SPATA13: variants seen among roughly 807,000 people sequenced by gnomAD.
SPATA13 encodes spermatogenesis-associated protein 13.
Under a neutral mutation model 104.0 loss-of-function variants are expected in SPATA13, and 50 were observed. The ratio of observed to expected loss-of-function variants is 0.48; its 90% CI spans 0.38 to 0.61. The LOEUF (loss-of-function observed/expected upper bound fraction) is 0.61. Among genes scored for constraint, SPATA13 ranks in the 20% least tolerant of loss-of-function variants. SPATA13 has a pLI of 0.00. For synonymous variants in SPATA13, 606 were observed against 667.5 expected (o/e 0.91, Z 1.42); for missense variants, 1,524 against 1,690.6 (o/e 0.90, Z 1.73).
At position 24,303,212 on chromosome 13, in the gene SPATA13, G is replaced by A. The variant is rs746884501; in HGVS notation, c.*439G>A. 4 of 417,214 alleles carry A rather than the reference G, an allele frequency of 9.6e-6. No individual in the cohort carries two copies. The highest frequency in any genetic ancestry group is 7.0e-5 in the South Asian group (4 of 57,188). 25.8% of individuals were successfully genotyped at this position (417,214 alleles called of 1,614,324 possible). A position where few individuals can be genotyped will look rare whatever the true frequency, so the allele number is the denominator to read the frequency against. On this transcript the variant is annotated 3_prime_UTR_variant, in exon 13 of 13. Transcript: ENST00000382108. Reference sequence around the variant, plus strand: ...TGATTTTCAAGGATGCCGTCAAGACGGGGTTGACACAATGCTGCACGTGTC... The same window carrying A: ...TGATTTTCAAGGATGCCGTCAAGACAGGGTTGACACAATGCTGCACGTGTC...
chr13:24,103,547 G>A (rs1262265446), intron 3 of SPATA13, among the ~76,000 whole-genome samples: 1 of 145,422 alleles, frequency 6.9e-6, no homozygotes, highest in Non-Finnish European at 1.5e-5. Context: ...AGAGAGAAGA[G>A]AGAGAGAGAG....
rs1156935581 is a variant in SPATA13, at chr13:24,286,916, G to A, written c.2633G>A (p.Arg878Gln). 14 of 1,613,736 alleles carry A rather than the reference G, an allele frequency of 8.7e-6. No homozygotes were observed. Among genetic ancestry groups the A allele is most frequent in the Admixed American group, 3.3e-5 (2 of 59,992 alleles). The change falls in exon 7 of 13, where the codon CGG becomes CAG. Residue 878 changes from arginine (R) to glutamine (Q), a missense_variant. Transcript: ENST00000382108. This position sits in a 1 kb window ranked among gnomAD's most constrained non-coding sequence, Gnocchi z 4.9. ...NVIREIMDTE[R>Q]VYIKHLRDIC... ...ATCCGGGAGATCATGGACACCGAGC[G>A]GGTGTACATCAAACACCTCAGGGAC...
upstream of SPATA13, among the ~76,000 whole-genome samples, chr13:24,159,313 G>T (rs1413329602): frequency 2.6e-5 from 4 of 152,096 alleles, no homozygotes; most frequent in Admixed American, 6.5e-5. Flanking sequence ...CATGGTCATT[G>T]TTAAAACTTG....
At chr13:24,242,252 G>A (rs1243875087) in intron 2 of SPATA13, among the ~76,000 whole-genome samples, 1 of 152,120 alleles carries the variant, frequency 6.6e-6, no homozygotes, top group African/African-American at 2.4e-5. Flanking sequence ...GGCTGTGGGA[G>A]GAACCAACAC....
chr13:23,988,226 C>T (rs975729678), intron 2 of SPATA13, among the ~76,000 whole-genome samples: 3 of 152,162 alleles, frequency 2.0e-5, no homozygotes, highest in East Asian at 1.9e-4. Flanking sequence ...GGATTACAGG[C>T]GTGAGCCACT....
intron 3 of SPATA13, among the ~76,000 whole-genome samples, chr13:24,078,991 G>A (rs1566095307): frequency 6.6e-6 from 1 of 152,176 alleles, no homozygotes; most frequent in Non-Finnish European, 1.5e-5. Context: ...AATTCCAACT[G>A]GGAATTGTTC....
At chr13:24,171,031 G>A (rs1882946422) in intron 1 of SPATA13, among the ~76,000 whole-genome samples, 1 of 151,750 alleles carries the variant, frequency 6.6e-6, no homozygotes, top group Non-Finnish European at 1.5e-5. Flanking sequence ...ATTCCTCCAT[G>A]CCCCTTCTTT....
At chr13:24,291,780 C>T (rs1427505314) in intron 9 of SPATA13, among the ~76,000 whole-genome samples, 5 of 121,964 alleles carry the variant, frequency 4.1e-5, no homozygotes, top group Non-Finnish European at 3.7e-5. Context: ...GACGGAGTCT[C>T]GTTCTGTCGC....
In SPATA13 at chr13:24,191,635, G is replaced by A. The variant is rs1181237131; in HGVS notation, c.-112+30703G>A. Among the ~76,000 whole-genome samples the A allele has an allele frequency of 6.1e-5, 9 of 148,268 alleles. No individual in the cohort carries two copies. In the South Asian group the frequency reaches 1.3e-3, roughly 21 times the overall value. ...CGCCATTCTCCTGCCTCAGCCTCCC[G>A]AGTAGCTGGGACTACAGGCGCCCGC... On this transcript the variant is annotated intron_variant, in intron 1 of 12. Coordinates refer to ENST00000382108, the MANE Select transcript of SPATA13 (RefSeq NM_001166271.3).
intron 3 of SPATA13, 67 bp from the exon 4 acceptor site, chr13:24,251,651 G>T: frequency 6.3e-7 from 1 of 1,591,246 alleles, no homozygotes; most frequent in Non-Finnish European, 8.6e-7. Flanking sequence ...AGCGCTATGC[G>T]TGTGAGGTGC....
At position 24,088,318 on chromosome 13, in the gene SPATA13, A is replaced by G. The variant is rs565397676; in HGVS notation, c.-112+70617A>G. 7.9e-5 allele frequency among the ~76,000 whole-genome samples: 12 copies of G among 152,288 alleles called. No homozygotes were observed. In the South Asian group the frequency reaches 2.5e-3, roughly 32 times the overall value. On this transcript the variant is annotated intron_variant, in intron 3 of 14. Coordinates refer to the SPATA13 transcript ENST00000424834. The surrounding 1 kb of genome is among the most constrained non-coding windows in gnomAD (Gnocchi z 4.3). ...TAAGGAATTGGCCCGCAGTCACATGACTATTAAAGCATCTGAATTGGGATT... is the reference window on the plus strand; with the variant it reads ...TAAGGAATTGGCCCGCAGTCACATGGCTATTAAAGCATCTGAATTGGGATT...
At chr13:23,991,610 G>A (rs1875420903) in intron 2 of SPATA13, among the ~76,000 whole-genome samples, 2 of 152,102 alleles carry the variant, frequency 1.3e-5, no homozygotes, top group Non-Finnish European at 2.9e-5. Context: ...TTTCTCCAAT[G>A]CATTGATAAG....
At chr13:24,103,492 A>G (rs1880326097) in intron 3 of SPATA13, among the ~76,000 whole-genome samples, 1 of 148,320 alleles carries the variant, frequency 6.7e-6, no homozygotes, top group African/African-American at 2.5e-5. Flanking sequence ...CTCAAAAAAA[A>G]AAAAAAAAAA....
chr13:24,049,740 C>G (rs1490101151), intron 3 of SPATA13, among the ~76,000 whole-genome samples: 1 of 152,066 alleles, frequency 6.6e-6, no homozygotes, highest in Non-Finnish European at 1.5e-5. Context: ...GGCATGTGCA[C>G]CACATGTGTA....
intron 3 of SPATA13, among the ~76,000 whole-genome samples, chr13:24,022,793 A>C (rs1428764477): frequency 1.3e-5 from 2 of 152,128 alleles, no homozygotes; most frequent in East Asian, 3.8e-4. Flanking sequence ...CAGGAACATA[A>C]GTTTTCCTGG....
At chr13:24,184,427 G>T (rs1869017576) in intron 1 of SPATA13, among the ~76,000 whole-genome samples, 1 of 152,316 alleles carries the variant, frequency 6.6e-6, no homozygotes, top group East Asian at 1.9e-4. Context: ...GAACCATTTG[G>T]TCACCAGCAG....
At chr13:24,285,612 G>A (rs538787636) in intron 5 of SPATA13, among the ~76,000 whole-genome samples, 1 of 150,990 alleles carries the variant, frequency 6.6e-6, no homozygotes, top group Admixed American at 6.6e-5. Context: ...CGCCTTCCAG[G>A]TTCAAGCAAT....
intron 3 of SPATA13, among the ~76,000 whole-genome samples, chr13:24,116,553 G>A (rs1880846044): frequency 6.6e-6 from 1 of 152,078 alleles, no homozygotes; most frequent in Non-Finnish European, 1.5e-5. Flanking sequence ...CATTATCTCA[G>A]GCAGTCCCCA....
intron 4 of SPATA13, among the ~76,000 whole-genome samples, chr13:24,279,148 C>A (rs1329681703): frequency 2.0e-5 from 3 of 152,048 alleles, no homozygotes; most frequent in Non-Finnish European, 4.4e-5. Context: ...AAAACTAAAC[C>A]AGGGGAGACA....
Sources: allele counts gnomAD v4.1 joint callset (sites outside exome capture counted in the v4.1 genomes callset), GRCh38; gene constraint gnomAD v4.1.1; non-coding constraint Gnocchi (gnomAD v3.1); transcripts MANE v1.5; gene names NCBI Gene and HGNC (gene_info 2026-07-23, HGNC 2026-07-21).